FLAD1: variants seen among roughly 807,000 people sequenced by gnomAD.
FLAD1 encodes bifunctional FAD diphosphatase/FAD synthase.
A neutral mutation model predicts 55.0 loss-of-function variants in FLAD1; 35 were observed. The ratio of observed to expected loss-of-function variants is 0.64; its 90% confidence interval spans 0.49 to 0.84. FLAD1 has a LOEUF of 0.84. Ranked by LOEUF, FLAD1 falls within the 40% of genes least tolerant of loss-of-function variation. The pLI, the probability that FLAD1 is intolerant of heterozygous loss-of-function variation, is 0.00. For missense variants in FLAD1, 665 were observed against 742.6 expected (o/e 0.90, Z 1.21); for synonymous variants, 267 against 303.0 (o/e 0.88, Z 1.23).
Position 154,992,730 on chromosome 1 carries a change from C to T in FLAD1, c.1572C>T (p.Asp524=). The change falls in exon 6 of 7, where the codon GAC becomes GAT. Residue 524 remains aspartate (D), a synonymous_variant. Coordinates refer to ENST00000292180, the MANE Select transcript of FLAD1 (RefSeq NM_025207.5). ...INPLLDWTYR[D]IWDFLRQLFV... ...CCTCCCAGGACTGGACCTACAGAGACATCTGGGATTTTCTGCGTCAGCTGT... is the reference window on the plus strand; with the variant it reads ...CCTCCCAGGACTGGACCTACAGAGATATCTGGGATTTTCTGCGTCAGCTGT... The T allele has an allele frequency of 6.2e-7, 1 of 1,614,184 alleles. No individual in the cohort carries two copies. Among genetic ancestry groups the T allele is most frequent in the Admixed American group, 1.7e-5 (1 of 60,026 alleles).
In FLAD1 at chr1:154,983,804, C is replaced by G. The variant is rs763653618; in HGVS notation, c.110C>G (p.Thr37Arg). ...GTCTTCCTCGAAGGAAGCACGCGCA[C>G]GCCTGCTCTCCCCCATTGTCTTTTC... is the stretch of plus-strand genomic sequence containing the variant. Reference protein sequence around the residue: ...TRVFLEGSTRTPALPHCLFWL... With the variant: ...TRVFLEGSTRRPALPHCLFWL... Residue 37 changes from threonine (T) to arginine (R), a missense_variant, in exon 1 of 7, where the codon ACG becomes AGG. Thr to Arg is a moderately conservative substitution (Grantham distance 71). Transcript: ENST00000292180. 1 of 1,614,192 alleles carries G rather than the reference C, an allele frequency of 6.2e-7. No homozygotes were observed.
In FLAD1 at chr1:154,983,941, G is replaced by A; in HGVS notation, c.247G>A (p.Gly83Ser). ...CTTGCGACCCCTATTTGGGGGTCTGGGTGGCTACTGGAGGGCCTTGCAGAG... is the reference window on the plus strand; with the variant it reads ...CTTGCGACCCCTATTTGGGGGTCTGAGTGGCTACTGGAGGGCCTTGCAGAG... ...PCLRPLFGGL[G>S]GYWRALQRGR... The change falls in exon 1 of 7, where the codon GGT (glycine) becomes AGT (serine). Residue 83 changes from glycine (G) to serine (S), a missense_variant. Coordinates refer to ENST00000292180, the MANE Select transcript of FLAD1 (RefSeq NM_025207.5). 6.2e-7 allele frequency: 1 copy of A among 1,604,364 alleles called. No individual in the cohort carries two copies. Among genetic ancestry groups the A allele is most frequent in the South Asian group, 1.1e-5 (1 of 90,300 alleles).
In FLAD1 at chr1:154,988,252, C is replaced by G; in HGVS notation, c.520C>G (p.Leu174Val). The G allele has an allele frequency of 1.2e-6, 2 of 1,614,236 alleles. No homozygotes were observed. Among genetic ancestry groups the G allele is most frequent in the Non-Finnish European group, 1.7e-6 (2 of 1,180,046 alleles). The change falls in exon 2 of 7, where the codon CTC becomes GTC. Residue 174 changes from leucine to valine, a missense_variant. Leu to Val is a conservative substitution (Grantham distance 32). Coordinates refer to ENST00000292180, the MANE Select transcript of FLAD1 (RefSeq NM_025207.5). ...TTTCTCCAACCGCTTCACCCATGTC[C>G]TCACAGCAGGGGGCATCGGCCCCAC... Reference protein sequence around the residue: ...TSFSNRFTHVLTAGGIGPTHD... With the variant: ...TSFSNRFTHVVTAGGIGPTHD...
chr1:154,992,034 T>C lies in FLAD1; in HGVS notation c.1555-679T>C, dbSNP rs539146483. Among the ~76,000 whole-genome samples the C allele has an allele frequency of 1.5e-4, 23 of 151,202 alleles. No homozygotes were observed. In the East Asian group the frequency reaches 4.5e-3, roughly 29 times the overall value. On this transcript the variant is annotated intron_variant, in intron 5 of 6. Transcript: ENST00000292180. ...GGCGCATGCCTGTAATCCCAGCTAC[T>C]CAGGAGGCTGAGGCAGGAGAATTGC... is the stretch of plus-strand genomic sequence containing the variant.
Position 154,987,972 on chromosome 1 carries a change from C to T in FLAD1, c.373-133C>T, listed in dbSNP as rs566506048. The stretch of plus-strand genomic sequence containing the variant: ...TTCCCACTCTTGTGTCCAGTCCAGG[C>T]CCCTCAGCAGCCTGAGGTGGTGTCC... On this transcript the variant is annotated intron_variant, in intron 1 of 6. Coordinates refer to ENST00000292180, the MANE Select transcript of FLAD1 (RefSeq NM_025207.5). 3.2e-6 allele frequency: 5 copies of T among 1,558,302 alleles called. No individual in the cohort carries two copies. In the East Asian group the frequency reaches 1.1e-4, roughly 35 times the overall value.
chr1:154,992,372 GGC>G (rs1196136045), intron 5 of FLAD1, among the ~76,000 whole-genome samples: 1 of 143,596 alleles, frequency 7.0e-6, no homozygotes, highest in African/African-American at 2.6e-5. Flanking sequence ...GAACCCGGGA[GGC>G]AGAGGTTGCA....
In FLAD1 at chr1:154,984,143, AAGG is replaced by A. The variant is rs1336675706; in HGVS notation, c.372+81_372+83del. 3 of 1,310,848 alleles carry A rather than the reference AAGG, an allele frequency of 2.3e-6. No homozygotes were observed. The African/African-American group carries it at 4.4e-5, about 19-fold the overall frequency. 81.2% of individuals were successfully genotyped at this position (1,310,848 alleles called of 1,614,324 possible). A position where few individuals can be genotyped will look rare whatever the true frequency, so the allele number is the denominator to read the frequency against. ...GGGCCTGCTGCACATCCCTCCATGGAAGGAGGTGAAACAGGGTGGGAGCCTCTT... is the reference window on the plus strand; with the variant it reads ...GGGCCTGCTGCACATCCCTCCATGGAAGGTGAAACAGGGTGGGAGCCTCTT... On this transcript the variant is annotated intron_variant, in intron 1 of 6. Coordinates refer to ENST00000292180, the MANE Select transcript of FLAD1 (RefSeq NM_025207.5).
In FLAD1 at chr1:154,993,008, G is replaced by A. The variant is rs777263673; in HGVS notation, c.1735G>A (p.Glu579Lys). Reference sequence around the variant, plus strand: ...CCGTCCAGCCTATCTACTGGAGAACGAAGAAGAGGAGCGGAACTCCCGCAC... The same window carrying A: ...CCGTCCAGCCTATCTACTGGAGAACAAAGAAGAGGAGCGGAACTCCCGCAC... Reference protein sequence around the residue: ...TYRPAYLLENEEEERNSRT With the variant: ...TYRPAYLLENKEEERNSRT Residue 579 changes from glutamate to lysine, a missense_variant, in exon 7 of 7, where the codon GAA becomes AAA. Physicochemically the swap from Glu to Lys is moderately conservative, Grantham distance 56 (BLOSUM62 1). Transcript: ENST00000292180. 1.1e-5 allele frequency: 17 copies of A among 1,613,976 alleles called. No homozygotes were observed. The highest frequency in any genetic ancestry group is 1.4e-5 in the Non-Finnish European group (17 of 1,179,992).
At chr1:154,985,216 TTG>T (rs1201449934) in intron 1 of FLAD1, among the ~76,000 whole-genome samples, 3 of 148,142 alleles carry the variant, frequency 2.0e-5, no homozygotes, top group Non-Finnish European at 3.0e-5. Flanking sequence ...CTTTGTAAAT[TTG>T]TGTTTTTTTT....
At position 154,989,676 on chromosome 1, in the gene FLAD1, C is replaced by T. The variant is rs755714541; in HGVS notation, c.1234C>T (p.Leu412Phe). ...CAACGGGGGCAAAGACTGCACTGCC[C>T]TCCTGCACCTCTTCCATGCAGCTGT... is the stretch of plus-strand genomic sequence containing the variant. The part of the protein sequence containing the change: ...GFNGGKDCTA[L>F]LHLFHAAVQR... Residue 412 changes from leucine (L) to phenylalanine (F), a missense_variant, in exon 3 of 7, where the codon CTC becomes TTC. Physicochemically the swap from Leu to Phe is conservative, Grantham distance 22. Transcript: ENST00000292180. 1.3e-6 allele frequency: 2 copies of T among 1,573,694 alleles called. No individual in the cohort carries two copies. Among genetic ancestry groups the T allele is most frequent in the South Asian group, 2.3e-5 (2 of 85,490 alleles).
intron 5 of FLAD1, among the ~76,000 whole-genome samples, chr1:154,991,502 C>T (rs1018541714): frequency 6.6e-6 from 1 of 151,914 alleles, no homozygotes; most frequent in Non-Finnish European, 1.5e-5. Flanking sequence ...TTGCAGTGAG[C>T]CAAGATGGCA....
In FLAD1 at chr1:154,989,552, C is replaced by A; in HGVS notation, c.1118-8C>A. ...CATCTGATGCCCTCTTCCCTGCCTG[C>A]TTGGCAGGGTCTTCTTTGGGGAAAA... is the stretch of plus-strand genomic sequence containing the variant. On this transcript the variant is annotated splice_region_variant and splice_polypyrimidine_tract_variant and intron_variant, in intron 2 of 6. Transcript: ENST00000292180. 1 of 1,555,928 alleles carries A rather than the reference C, an allele frequency of 6.4e-7. No individual in the cohort carries two copies. The highest frequency in any genetic ancestry group is 8.7e-7 in the Non-Finnish European group (1 of 1,150,658).
At position 154,990,275 on chromosome 1, in the gene FLAD1, G is replaced by T; in HGVS notation, c.1364+18G>T. The T allele has an allele frequency of 1.2e-6, 2 of 1,613,552 alleles. No homozygotes were observed. Among genetic ancestry groups the T allele is most frequent in the Non-Finnish European group, 1.7e-6 (2 of 1,179,480 alleles). On this transcript the variant is annotated intron_variant, in intron 4 of 6. Transcript: ENST00000292180. ...ATCAAGAGGTACTAGGGGCCTGGAG[G>T]TTTGGGCTCCAAGAGAAGCTTGACA...
chr1:154,991,785 G>A (rs904933556), intron 5 of FLAD1, among the ~76,000 whole-genome samples: 6 of 152,054 alleles, frequency 3.9e-5, no homozygotes, highest in Admixed American at 6.6e-5. Flanking sequence ...CAGGGAAGTC[G>A]AGGCTGTAGT....
In FLAD1 at chr1:154,989,671, C is replaced by A. The variant is rs202098739; in HGVS notation, c.1229C>A (p.Thr410Asn). 14 of 1,584,246 alleles carry A rather than the reference C, an allele frequency of 8.8e-6. No individual in the cohort carries two copies. The highest frequency in any genetic ancestry group is 1.2e-5 in the Non-Finnish European group (14 of 1,164,122). ...GGCTTCAACGGGGGCAAAGACTGCACTGCCCTCCTGCACCTCTTCCATGCA... is the reference window on the plus strand; with the variant it reads ...GGCTTCAACGGGGGCAAAGACTGCAATGCCCTCCTGCACCTCTTCCATGCA... ...CVGFNGGKDC[T>N]ALLHLFHAAV... Residue 410 changes from threonine to asparagine, a missense_variant, in exon 3 of 7, where the codon ACT (threonine) becomes AAT (asparagine). Coordinates refer to ENST00000292180, the MANE Select transcript of FLAD1 (RefSeq NM_025207.5).
chr1:154,983,387 A>C lies in FLAD1; in HGVS notation c.-308A>C, dbSNP rs924789505. ...CAAGGGAAAGAGCCGGTGAAGGGGC[A>C]GAACAGGCAGGTGAGAGTCTAAGAG... is the stretch of plus-strand genomic sequence containing the variant. On this transcript the variant is annotated 5_prime_UTR_variant, in exon 1 of 7. Coordinates refer to ENST00000292180, the MANE Select transcript of FLAD1 (RefSeq NM_025207.5). 1 of 260,108 alleles carries C rather than the reference A, an allele frequency of 3.8e-6. No homozygotes were observed. Among genetic ancestry groups the C allele is most frequent in the African/African-American group, 2.2e-5 (1 of 45,474 alleles). The allele number at this position is 260,108 out of a possible 1,614,324, so 16.1% of individuals were successfully genotyped here. A position where few individuals can be genotyped will look rare whatever the true frequency, so the allele number is the denominator to read the frequency against.
chr1:154,986,512 CAACA>C (rs1558073777), intron 1 of FLAD1, among the ~76,000 whole-genome samples: 1 of 152,148 alleles, frequency 6.6e-6, no homozygotes, highest in Non-Finnish European at 1.5e-5. Context: ...CTAATCTTCA[CAACA>C]ACCCCACACA....
chr1:154,991,576 G>C (rs1026167096), intron 5 of FLAD1, among the ~76,000 whole-genome samples: 1 of 151,868 alleles, frequency 6.6e-6, no homozygotes, highest in Non-Finnish European at 1.5e-5. Context: ...AAAAAATACA[G>C]TTATTCAGTT....
At position 154,992,695 on chromosome 1, in the gene FLAD1, A is replaced by AT. The variant is rs768786744; in HGVS notation, c.1555-16dup. 3.1e-6 allele frequency: 5 copies of AT among 1,614,176 alleles called. No individual in the cohort carries two copies. The South Asian group carries it at 5.5e-5, about 18-fold the overall frequency. ...AAAGGTGAGCATTTGTGACTATTCT[A>AT]TTACTCTGACCTCCCAGGACTGGAC... On this transcript the variant is annotated splice_polypyrimidine_tract_variant and intron_variant, in intron 5 of 6. Coordinates refer to ENST00000292180, the MANE Select transcript of FLAD1 (RefSeq NM_025207.5).
Sources: allele counts gnomAD v4.1 joint callset (sites outside exome capture counted in the v4.1 genomes callset), GRCh38; gene constraint gnomAD v4.1.1; transcripts MANE v1.5; gene names NCBI Gene and HGNC (gene_info 2026-07-23, HGNC 2026-07-21).